BCL11B: variants seen among roughly 807,000 people sequenced by gnomAD.
BCL11B encodes the protein B-cell lymphoma/leukemia 11B.
A neutral mutation model predicts 49.9 loss-of-function variants in BCL11B; 8 were observed. The ratio of observed to expected loss-of-function variants is 0.16; its 90% CI spans 0.09 to 0.29. The LOEUF is 0.29. Among genes scored for constraint, BCL11B ranks in the 10% least tolerant of loss-of-function variants. The pLI is 1.00. For synonymous variants in BCL11B, 739 were observed against 637.4 expected (o/e 1.16, Z -2.40); for missense variants, 1,006 against 1,351.0 (o/e 0.74, Z 4.00).
Position 99,175,576 on chromosome 14 carries a change from C to T in BCL11B, c.1260G>A (p.Pro420=), listed in dbSNP as rs746865950. 3.2e-6 allele frequency: 5 copies of T among 1,584,262 alleles called. No individual in the cohort carries two copies. Among genetic ancestry groups the T allele is most frequent in the Non-Finnish European group, 2.6e-6 (3 of 1,166,586 alleles). Residue 420 remains proline (P), a synonymous_variant, in exon 4 of 4, where the codon CCG becomes CCA. Transcript: ENST00000357195. ...PPMPPGGTPP[P]QPPAKSKSCE... is the part of the protein sequence containing the mutation. ...ACGACTTGCTCTTGGCTGGCGGCTG[C>T]GGGGGCGGCGTGCCGCCAGGGGGCA...
intron 3 of BCL11B, among the ~76,000 whole-genome samples, chr14:99,212,755 AC>A (rs1887724256): frequency 6.6e-6 from 1 of 152,090 alleles, no homozygotes; most frequent in Non-Finnish European, 1.5e-5. Flanking sequence ...CTTGCCTGTG[AC>A]CCAGGCCCTG....
intron 3 of BCL11B, among the ~76,000 whole-genome samples, chr14:99,208,807 C>T (rs1236943286): frequency 6.6e-6 from 1 of 152,182 alleles, no homozygotes; most frequent in African/African-American, 2.4e-5. Flanking sequence ...ACCCAGCAGA[C>T]GTGAGGCCCC....
chr14:99,271,621 C>T lies in BCL11B; in HGVS notation c.-403G>A. 5.0e-6 allele frequency: 1 copy of T among 199,388 alleles called. No homozygotes were observed. Among genetic ancestry groups the T allele is most frequent in the Non-Finnish European group, 1.0e-5 (1 of 95,896 alleles). 12.4% of individuals were successfully genotyped at this position (199,388 alleles called of 1,614,324 possible). A position where few individuals can be genotyped will look rare whatever the true frequency, so the allele number is the denominator to read the frequency against. On this transcript the variant is annotated 5_prime_UTR_variant, in exon 1 of 4. Transcript: ENST00000357195. ...TCTTACACTTCTTCAAACTGCTTGG[C>T]CTCTTGCACTTGCAAATGTCTTCTT...
At position 99,229,047 on chromosome 14, in the gene BCL11B, G is replaced by GATGGATGGATGC. The variant is rs1566820103; in HGVS notation, c.640+2297_640+2298insGCATCCATCCAT. On this transcript the variant is annotated intron_variant, in intron 3 of 3. Transcript: ENST00000357195. Reference sequence around the variant, plus strand: ...GGATGGATGGATGGATGGATGCATGGATGGATGGATGGATGGATGGATGGA... The same window carrying GATGGATGGATGC: ...GGATGGATGGATGGATGGATGCATGGATGGATGGATGCATGGATGGATGGATGGATGGATGGA... 1.5e-3 allele frequency among the ~76,000 whole-genome samples: 152 copies of GATGGATGGATGC among 104,246 alleles called. No homozygotes were observed. In the Middle Eastern group the frequency reaches 0.015, roughly 10 times the overall value. The allele number at this position is 104,246 out of a possible 152,430, so 68.4% of individuals were successfully genotyped here. A position where few individuals can be genotyped will look rare whatever the true frequency, so the allele number is the denominator to read the frequency against.
At chr14:99,245,230 C>T (rs945691818) in intron 2 of BCL11B, among the ~76,000 whole-genome samples, 8 of 152,154 alleles carry the variant, frequency 5.3e-5, no homozygotes, top group African/African-American at 1.7e-4. Flanking sequence ...AGCAAGGTGA[C>T]GATTTGCATA....
intron 3 of BCL11B, among the ~76,000 whole-genome samples, chr14:99,208,736 C>G (rs555683957): frequency 6.6e-6 from 1 of 152,360 alleles, no homozygotes; most frequent in African/African-American, 2.4e-5. Flanking sequence ...TGGCCCAAGA[C>G]AGCAGCCGAG....
chr14:99,267,480 G>C (rs568972954), intron 1 of BCL11B, among the ~76,000 whole-genome samples: 1 of 150,546 alleles, frequency 6.6e-6, no homozygotes, highest in Non-Finnish European at 1.5e-5. Flanking sequence ...AATCAGAGCA[G>C]CTGACTTATA....
chr14:99,176,421 G>A (rs1197337155), intron 3 of BCL11B, among the ~76,000 whole-genome samples: 1 of 152,182 alleles, frequency 6.6e-6, no homozygotes, highest in African/African-American at 2.4e-5. Context: ...TGGCCACCCG[G>A]GCGCCAGCGA....
At chr14:99,183,226 C>A (rs2693681) in intron 3 of BCL11B, among the ~76,000 whole-genome samples, 38,011 of 151,380 alleles carry the variant, frequency 0.25, 6,072 homozygotes, top group Middle Eastern at 0.42. Flanking sequence ...CTCGTTTAGA[C>A]CCCACCTAAC....
intron 3 of BCL11B, among the ~76,000 whole-genome samples, chr14:99,209,894 G>A (rs1399276161): frequency 6.6e-6 from 1 of 152,146 alleles, no homozygotes; most frequent in East Asian, 1.9e-4. Flanking sequence ...TATCTCCACA[G>A]CTGCAACACT....
intron 3 of BCL11B, among the ~76,000 whole-genome samples, chr14:99,204,933 C>T (rs2139828676): frequency 6.6e-6 from 1 of 152,308 alleles, no homozygotes; most frequent in East Asian, 1.9e-4. Flanking sequence ...AGACATGTAA[C>T]TTGGGGCCTA....
At chr14:99,220,608 G>T (rs1260810148) in intron 3 of BCL11B, among the ~76,000 whole-genome samples, 3 of 152,192 alleles carry the variant, frequency 2.0e-5, no homozygotes, top group Non-Finnish European at 4.4e-5. Flanking sequence ...GTTTAATGGT[G>T]CCAGAGCTCT....
chr14:99,209,353 G>A lies in BCL11B; in HGVS notation c.640+21992C>T, dbSNP rs191034637. 2.0e-3 allele frequency among the ~76,000 whole-genome samples: 302 copies of A among 152,218 alleles called. 1 individual carries two copies. Among genetic ancestry groups the A allele is most frequent in the Middle Eastern group, 0.014 (4 of 294 alleles). On this transcript the variant is annotated intron_variant, in intron 3 of 3. Transcript: ENST00000357195. Reference sequence around the variant, plus strand: ...AAACACTCGGCCTCCACTGACATCCGCAGGGGACTCCTGCGCGACCAGAGA... The same window carrying A: ...AAACACTCGGCCTCCACTGACATCCACAGGGGACTCCTGCGCGACCAGAGA...
intron 3 of BCL11B, among the ~76,000 whole-genome samples, chr14:99,181,858 T>G (rs180910644): frequency 6.6e-6 from 1 of 152,272 alleles, no homozygotes; most frequent in East Asian, 1.9e-4. Flanking sequence ...GATGGCTGGT[T>G]TCACCGGCCA....
At chr14:99,229,660 A>G (rs368598626) in intron 3 of BCL11B, among the ~76,000 whole-genome samples, 5 of 152,300 alleles carry the variant, frequency 3.3e-5, no homozygotes, top group Admixed American at 6.5e-5. Context: ...ACTTCTAAGT[A>G]GGGCCAACAG....
chr14:99,207,955 C>G (rs1296465380), intron 3 of BCL11B, among the ~76,000 whole-genome samples: 1 of 152,192 alleles, frequency 6.6e-6, no homozygotes, highest in Non-Finnish European at 1.5e-5. Flanking sequence ...GTCTCCATCT[C>G]CCCACACCAG....
intron 2 of BCL11B, among the ~76,000 whole-genome samples, chr14:99,256,462 A>C (rs1889167116): frequency 6.6e-6 from 1 of 152,304 alleles, no homozygotes; most frequent in South Asian, 2.1e-4. Context: ...TCAGGATTTG[A>C]ACACTCGTCT....
intron 3 of BCL11B, among the ~76,000 whole-genome samples, chr14:99,211,513 C>T (rs1887687044): frequency 6.6e-6 from 1 of 152,256 alleles, no homozygotes; most frequent in South Asian, 2.1e-4. Context: ...CATGGGCACA[C>T]ACATGCACAC....
In BCL11B at chr14:99,173,587, A is replaced by AC. The variant is rs397959537; in HGVS notation, c.*563dup. On this transcript the variant is annotated 3_prime_UTR_variant, in exon 4 of 4. Coordinates refer to ENST00000357195, the MANE Select transcript of BCL11B (RefSeq NM_138576.4). ...AAATTAAAAAATAATTAAAAAAAAA[A>AC]CTGCATGCCACTTTTTATTTCAGGA... 7 of 198,496 alleles carry AC rather than the reference A, an allele frequency of 3.5e-5. No homozygotes were observed. The highest frequency in any genetic ancestry group is 5.2e-5 in the Non-Finnish European group (5 of 96,042). The allele number at this position is 198,496 out of a possible 1,614,324, so 12.3% of individuals were successfully genotyped here.
Sources: gnomAD v4.1 joint callset for allele counts (sites outside exome capture counted in the v4.1 genomes callset) on GRCh38, gnomAD v4.1.1 for gene constraint, MANE v1.5 for transcripts, NCBI Gene and HGNC (gene_info 2026-07-23, HGNC 2026-07-21) for gene names.